RFTN1: variants seen among roughly 807,000 people sequenced by gnomAD.
The protein encoded by RFTN1 is raftlin, lipid raft linker 1.
Under a neutral mutation model 46.5 loss-of-function variants are expected in RFTN1, and 26 were observed. The ratio of observed to expected loss-of-function variants is 0.56; its 90% CI spans 0.41 to 0.78. The LOEUF is 0.78. RFTN1 is among the 30% of genes least tolerant of loss of function. The pLI is 0.00. For missense variants in RFTN1, 693 were observed against 718.7 expected, an observed-to-expected ratio of 0.96 and a Z score of 0.41; for synonymous variants, 261 against 284.2, an observed-to-expected ratio of 0.92 and a Z score of 0.82.
rs1285340965 is a variant in RFTN1, at chr3:16,322,762, CTGTT to C, written c.1332+610_1332+613del. ...TCTGAGAAGGCCAGTCTCTGTGCGA[CTGTT>C]TCTAGGGTAGTTCAGAGTCCGGAGA... On this transcript the variant is annotated intron_variant, in intron 9 of 9. Coordinates refer to ENST00000334133, the MANE Select transcript of RFTN1 (RefSeq NM_015150.2). This position sits in a 1 kb window ranked among gnomAD's most constrained non-coding sequence, Gnocchi z 6.2. Among the ~76,000 whole-genome samples the C allele has an allele frequency of 6.6e-6, 1 of 152,186 alleles. No individual in the cohort carries two copies. Among genetic ancestry groups the C allele is most frequent in the Non-Finnish European group, 1.5e-5 (1 of 68,034 alleles).
rs1476998375 is a variant in RFTN1 at position 16,443,503 on chromosome 3, C to G, written c.146-9466G>C. On this transcript the variant is annotated intron_variant, in intron 2 of 9. Transcript: ENST00000334133. The surrounding 1 kb of genome is among the most constrained non-coding windows in gnomAD (Gnocchi z 5.5). ...CTTAATTAAACCATGGATGAACACA[C>G]AGGGGAATCTCAGTAAGACTAAAAG... 2.0e-5 allele frequency among the ~76,000 whole-genome samples: 3 copies of G among 152,054 alleles called. No individual in the cohort carries two copies. The highest frequency in any genetic ancestry group is 4.4e-5 in the Non-Finnish European group (3 of 68,012).
intron 5 of RFTN1, 66 bp downstream of exon 5, chr3:16,377,652 G>C: frequency 1.3e-6 from 2 of 1,516,204 alleles, no homozygotes; most frequent in Non-Finnish European, 1.8e-6. Flanking sequence ...AGATACCATG[G>C]GGATTAATGA....
rs2074895970 is a variant in RFTN1, at chr3:16,407,819, G to A, written c.441+1556C>T. ...TCCCCCATTTCTTAAATAATAATCT[G>A]AATTCTACCAGAGTAGAAAGAGCCT... On this transcript the variant is annotated intron_variant, in intron 4 of 9. Coordinates refer to ENST00000334133, the MANE Select transcript of RFTN1 (RefSeq NM_015150.2). The surrounding 1 kb of genome is among the most constrained non-coding windows in gnomAD (Gnocchi z 4.0). Among the ~76,000 whole-genome samples, 1 of 151,988 alleles carries A rather than the reference G, an allele frequency of 6.6e-6. No individual in the cohort carries two copies. Among genetic ancestry groups the A allele is most frequent in the South Asian group, 2.1e-4 (1 of 4,812 alleles).
At chr3:16,436,657 T>C (rs1039884958) in intron 2 of RFTN1, among the ~76,000 whole-genome samples, 1 of 152,226 alleles carries the variant, frequency 6.6e-6, no homozygotes, top group African/African-American at 2.4e-5. Context: ...GCAATATGAA[T>C]TGAACACCCC....
At position 16,321,637 on chromosome 3, in the gene RFTN1, T is replaced by G. The variant is rs924157241; in HGVS notation, c.1332+1739A>C. Among the ~76,000 whole-genome samples the G allele has an allele frequency of 1.3e-5, 2 of 152,250 alleles. No homozygotes were observed. The highest frequency in any genetic ancestry group is 2.9e-5 in the Non-Finnish European group (2 of 68,008). On this transcript the variant is annotated intron_variant, in intron 9 of 9. Coordinates refer to ENST00000334133, the MANE Select transcript of RFTN1 (RefSeq NM_015150.2). The surrounding 1 kb of genome is among the most constrained non-coding windows in gnomAD (Gnocchi z 4.8). Reference sequence around the variant, plus strand: ...CTGTGAGGTGACCCAGAGGGTCTTGTGTAGAACAAGTGCTCCACACCAGTC... The same window carrying G: ...CTGTGAGGTGACCCAGAGGGTCTTGGGTAGAACAAGTGCTCCACACCAGTC...
At chr3:16,511,449 T>C (rs1367098125) in intron 1 of RFTN1, among the ~76,000 whole-genome samples, 1 of 151,434 alleles carries the variant, frequency 6.6e-6, no homozygotes, top group East Asian at 1.9e-4. Flanking sequence ...TTGGGGGAGG[T>C]GTGTAGTTAA....
In RFTN1 at chr3:16,446,714, C is replaced by T. The variant is rs2075736886; in HGVS notation, c.146-12677G>A. On this transcript the variant is annotated intron_variant, in intron 2 of 9. Coordinates refer to ENST00000334133, the MANE Select transcript of RFTN1 (RefSeq NM_015150.2). The surrounding 1 kb of genome is among the most constrained non-coding windows in gnomAD (Gnocchi z 4.5). Reference sequence around the variant, plus strand: ...AGTGACTGGAAATCTCAACTCCAAACAGCAGAAAATGGAAAACAAGAGATT... The same window carrying T: ...AGTGACTGGAAATCTCAACTCCAAATAGCAGAAAATGGAAAACAAGAGATT... 6.6e-6 allele frequency among the ~76,000 whole-genome samples: 1 copy of T among 152,136 alleles called. No homozygotes were observed. Among genetic ancestry groups the T allele is most frequent in the South Asian group, 2.1e-4 (1 of 4,832 alleles).
intron 4 of RFTN1, among the ~76,000 whole-genome samples, chr3:16,403,478 G>C (rs912447133): frequency 6.9e-6 from 1 of 144,824 alleles, no homozygotes; most frequent in African/African-American, 2.6e-5. Context: ...TCCCTCTGCA[G>C]AGTAAAATCT....
chr3:16,351,333 G>C lies in RFTN1; in HGVS notation c.1146+6599C>G, dbSNP rs1429587010. Among the ~76,000 whole-genome samples, 1 of 152,220 alleles carries C rather than the reference G, an allele frequency of 6.6e-6. No homozygotes were observed. Among genetic ancestry groups the C allele is most frequent in the African/African-American group, 2.4e-5 (1 of 41,446 alleles). ...CCATACATATGAAGCCTTCAGGGAAGCCAAGGCTGGAAGATCCCCAGAATG... is the reference window on the plus strand; with the variant it reads ...CCATACATATGAAGCCTTCAGGGAACCCAAGGCTGGAAGATCCCCAGAATG... On this transcript the variant is annotated intron_variant, in intron 7 of 9. Coordinates refer to ENST00000334133, the MANE Select transcript of RFTN1 (RefSeq NM_015150.2). This position sits in a 1 kb window ranked among gnomAD's most constrained non-coding sequence, Gnocchi z 5.4.
At chr3:16,328,507 A>G (rs1028650734) in intron 7 of RFTN1, among the ~76,000 whole-genome samples, 5 of 152,248 alleles carry the variant, frequency 3.3e-5, no homozygotes, top group African/African-American at 1.2e-4. Context: ...CACCAGTTCC[A>G]GAGTGGCTAT....
At chr3:16,417,296 G>A (rs889629798) in intron 3 of RFTN1, among the ~76,000 whole-genome samples, 1 of 151,616 alleles carries the variant, frequency 6.6e-6, no homozygotes, top group Non-Finnish European at 1.5e-5. Flanking sequence ...CACCGCACCC[G>A]GCCTCCAGAA....
chr3:16,375,075 T>A (rs1371161879), intron 5 of RFTN1, among the ~76,000 whole-genome samples: 2 of 152,194 alleles, frequency 1.3e-5, no homozygotes, highest in Non-Finnish European at 1.5e-5. Context: ...GGATTTTTTT[T>A]AATTGTCTTG....
intron 1 of RFTN1, among the ~76,000 whole-genome samples, chr3:16,503,008 T>C (rs2076738309): frequency 6.6e-6 from 1 of 152,230 alleles, no homozygotes; most frequent in Non-Finnish European, 1.5e-5. Context: ...AGCGGCCAAG[T>C]TTTGGTGTAA....
chr3:16,361,621 G>A lies in RFTN1; in HGVS notation c.1031-3574C>T, dbSNP rs1244924729. Among the ~76,000 whole-genome samples, 5 of 152,182 alleles carry A rather than the reference G, an allele frequency of 3.3e-5. No homozygotes were observed. Among genetic ancestry groups the A allele is most frequent in the Admixed American group, 6.5e-5 (1 of 15,284 alleles). On this transcript the variant is annotated intron_variant, in intron 6 of 9. Transcript: ENST00000334133. This position sits in a 1 kb window ranked among gnomAD's most constrained non-coding sequence, Gnocchi z 4.3. ...AGCCAGCCTGACATGCAGAGTGAAC[G>A]AAGGACAGCCAAGGACCAGGTGAGC...
intron 2 of RFTN1, among the ~76,000 whole-genome samples, chr3:16,441,114 GA>G (rs1453748722): frequency 6.6e-6 from 1 of 151,950 alleles, no homozygotes; most frequent in Non-Finnish European, 1.5e-5. Flanking sequence ...GAATCTTTTG[GA>G]AATATTTTTT....
Position 16,506,192 on chromosome 3 carries a change from T to G in RFTN1, c.-9+7250A>C, listed in dbSNP as rs1217315188. ...AGAAGGTGACGTTTAAGCAAAATCATGAGGAAGGCCACAGAGCGAGCCATG... is the reference window on the plus strand; with the variant it reads ...AGAAGGTGACGTTTAAGCAAAATCAGGAGGAAGGCCACAGAGCGAGCCATG... On this transcript the variant is annotated intron_variant, in intron 1 of 9. Transcript: ENST00000334133. This position sits in a 1 kb window ranked among gnomAD's most constrained non-coding sequence, Gnocchi z 4.8. 6.6e-6 allele frequency among the ~76,000 whole-genome samples: 1 copy of G among 151,968 alleles called. No individual in the cohort carries two copies. The highest frequency in any genetic ancestry group is 2.1e-4 in the South Asian group (1 of 4,792).
chr3:16,436,259 T>C (rs11714115), intron 2 of RFTN1, among the ~76,000 whole-genome samples: 12,823 of 152,086 alleles, frequency 0.084, 662 homozygotes, highest in Middle Eastern at 0.13. Flanking sequence ...TTGTAAGAAC[T>C]CTTTACATAT....
Position 16,316,274 on chromosome 3 carries a change from TG to T in RFTN1, c.*553del, listed in dbSNP as rs1475394692. 1 of 160,410 alleles carries T rather than the reference TG, an allele frequency of 6.2e-6. No individual in the cohort carries two copies. The highest frequency in any genetic ancestry group is 2.4e-5 in the African/African-American group (1 of 41,524). The allele number at this position is 160,410 out of a possible 1,614,324, so 9.9% of individuals were successfully genotyped here. On this transcript the variant is annotated 3_prime_UTR_variant, in exon 10 of 10. Coordinates refer to ENST00000334133, the MANE Select transcript of RFTN1 (RefSeq NM_015150.2). This position sits in a 1 kb window ranked among gnomAD's most constrained non-coding sequence, Gnocchi z 4.5. Reference sequence around the variant, plus strand: ...TCTATAGGACTATTTTGAGAAAAGCTGGGAGGCGGAGCACCTCCCCTCCCCA... The same window carrying T: ...TCTATAGGACTATTTTGAGAAAAGCTGGAGGCGGAGCACCTCCCCTCCCCA...
Position 16,384,079 on chromosome 3 carries a change from G to C in RFTN1, c.442-5977C>G, listed in dbSNP as rs2074084036. Among the ~76,000 whole-genome samples, 1 of 152,174 alleles carries C rather than the reference G, an allele frequency of 6.6e-6. No homozygotes were observed. The highest frequency in any genetic ancestry group is 2.4e-5 in the African/African-American group (1 of 41,446). On this transcript the variant is annotated intron_variant, in intron 4 of 9. Coordinates refer to ENST00000334133, the MANE Select transcript of RFTN1 (RefSeq NM_015150.2). The surrounding 1 kb of genome is among the most constrained non-coding windows in gnomAD (Gnocchi z 4.7). The stretch of plus-strand genomic sequence containing the variant: ...GTGGGTCTCATCTAATCAGGTGAAG[G>C]CTTTAAGAGCCAAGACTGAGATTTC...
Sources: gnomAD v4.1 joint callset for allele counts (sites outside exome capture counted in the v4.1 genomes callset) on GRCh38, gnomAD v4.1.1 for gene constraint, Gnocchi (gnomAD v3.1) non-coding constraint, MANE v1.5 for transcripts, NCBI Gene and HGNC (gene_info 2026-07-23, HGNC 2026-07-21) for gene names.